The following MTREX variants were observed in gnomAD, a reference collection of about 807,000 sequenced individuals.
MTREX encodes Mtr4 exosome RNA helicase.
MTREX carries 76 observed loss-of-function variants against 135.4 expected under a neutral mutation model. The observed-to-expected ratio is 0.56, with a 90% confidence interval of 0.47 to 0.68. The LOEUF is 0.68. Among genes scored for constraint, MTREX ranks in the 30% least tolerant of loss-of-function variants. The pLI is 0.00. For missense variants in MTREX, 920 were observed against 1,262.1 expected (o/e 0.73, Z 4.11); for synonymous variants, 404 against 401.6 (o/e 1.01, Z -0.07).
chr5:55,345,070 C>T (rs1749708074), intron 9 of MTREX, 24 bp from the exon 10 acceptor site: 1 of 1,453,240 alleles, frequency 6.9e-7, no homozygotes, highest in African/African-American at 1.4e-5. Flanking sequence ...AGTGAAGTTA[C>T]ACAGAAAAAA....
intron 21 of MTREX, among the ~76,000 whole-genome samples, chr5:55,402,373 T>A (rs1368863739): frequency 1.3e-5 from 2 of 152,240 alleles, no homozygotes; most frequent in Non-Finnish European, 2.9e-5. Context: ...CTCTCCCTGC[T>A]GTCAGTCCCT....
intron 5 of MTREX, among the ~76,000 whole-genome samples, chr5:55,334,605 T>A (rs1470726640): frequency 6.6e-6 from 1 of 152,138 alleles, no homozygotes; most frequent in African/African-American, 2.4e-5. Flanking sequence ...TATAATTTAC[T>A]TACCATTAAA....
intron 15 of MTREX, among the ~76,000 whole-genome samples, chr5:55,361,724 C>T (rs1438175530): frequency 6.6e-6 from 1 of 150,862 alleles, no homozygotes; most frequent in Non-Finnish European, 1.5e-5. Flanking sequence ...CCCCAGAGTG[C>T]TGGGATTACA....
At chr5:55,372,457 A>G (rs150847769) in intron 16 of MTREX, among the ~76,000 whole-genome samples, 96 of 151,048 alleles carry the variant, frequency 6.4e-4, no homozygotes, top group African/African-American at 2.3e-3. Context: ...ACCATGAGCT[A>G]TACTGTTAGC....
intron 18 of MTREX, among the ~76,000 whole-genome samples, chr5:55,385,123 A>G (rs889127648): frequency 6.6e-6 from 1 of 152,186 alleles, no homozygotes; most frequent in East Asian, 1.9e-4. Context: ...CACCCAGGCA[A>G]AGTCTCTGAG....
intron 19 of MTREX, among the ~76,000 whole-genome samples, chr5:55,390,278 T>A (rs1750545905): frequency 6.6e-6 from 1 of 152,120 alleles, no homozygotes; most frequent in Non-Finnish European, 1.5e-5. Flanking sequence ...AATTTTTGTA[T>A]TTTTACTAGA....
Position 55,316,579 on chromosome 5 carries a change from C to T in MTREX, c.135-5748C>T, listed in dbSNP as rs1051338216. 5.3e-5 allele frequency among the ~76,000 whole-genome samples: 8 copies of T among 152,236 alleles called. No homozygotes were observed. The South Asian group carries it at 1.7e-3, about 32-fold the overall frequency. ...TGCAGAAAAGGCCTTCGATAAAATTCAACACCCCTCCATGTTAAAAACTCT... is the reference window on the plus strand; with the variant it reads ...TGCAGAAAAGGCCTTCGATAAAATTTAACACCCCTCCATGTTAAAAACTCT... On this transcript the variant is annotated intron_variant, in intron 1 of 26. Transcript: ENST00000230640.
In MTREX at chr5:55,397,340, G is replaced by C. The variant is rs575926815; in HGVS notation, c.2182-76G>C. On this transcript the variant is annotated intron_variant, in intron 19 of 26. Coordinates refer to ENST00000230640, the MANE Select transcript of MTREX (RefSeq NM_015360.5). ...CCATAAATGCAACTTCCTCTTTAGGGATCCAAGTTTAGGAAATAGTAGAAT... is the reference window on the plus strand; with the variant it reads ...CCATAAATGCAACTTCCTCTTTAGGCATCCAAGTTTAGGAAATAGTAGAAT... 83 of 863,488 alleles carry C rather than the reference G, an allele frequency of 9.6e-5. No individual in the cohort carries two copies. The African/African-American group carries it at 1.2e-3, about 12-fold the overall frequency. The allele number at this position is 863,488 out of a possible 1,614,324, so 53.5% of individuals were successfully genotyped here.
At chr5:55,367,871 G>T (rs1006914920) in intron 16 of MTREX, among the ~76,000 whole-genome samples, 7 of 152,198 alleles carry the variant, frequency 4.6e-5, no homozygotes, top group African/African-American at 1.7e-4. Context: ...CGTAGTCATC[G>T]TAAAAAGGAG....
chr5:55,323,531 T>C (rs1330971394), intron 2 of MTREX, among the ~76,000 whole-genome samples: 1 of 152,108 alleles, frequency 6.6e-6, no homozygotes, highest in East Asian at 1.9e-4. Context: ...CAGGTGATTC[T>C]CCTGCCTCAA....
At chr5:55,320,857 T>C (rs553766608) in intron 1 of MTREX, among the ~76,000 whole-genome samples, 1 of 152,320 alleles carries the variant, frequency 6.6e-6, no homozygotes, top group South Asian at 2.1e-4. Context: ...GAAAAGTCTA[T>C]TAAAATACCC....
At position 55,425,003 on chromosome 5, in the gene MTREX, G is replaced by GT. The variant is rs753841834; in HGVS notation, c.*238dup. The GT allele has an allele frequency of 4.1e-5, 31 of 751,066 alleles. No homozygotes were observed. In the Middle Eastern group the frequency reaches 1.1e-3, roughly 28 times the overall value. 46.5% of individuals were successfully genotyped at this position (751,066 alleles called of 1,614,324 possible). A position where few individuals can be genotyped will look rare whatever the true frequency, so the allele number is the denominator to read the frequency against. ...GCACTGTTTTGGTGGAAGGCTTGGA[G>GT]TTTTTTTAATGAGTTTAGAGCTATT... On this transcript the variant is annotated 3_prime_UTR_variant, in exon 27 of 27. Transcript: ENST00000230640.
At chr5:55,355,872 A>T (rs1301891404) in intron 14 of MTREX, among the ~76,000 whole-genome samples, 1 of 152,170 alleles carries the variant, frequency 6.6e-6, no homozygotes, top group African/African-American at 2.4e-5. Flanking sequence ...CTGTGGAGGA[A>T]TGGGGGGTAG....
intron 14 of MTREX, chr5:55,356,540 T>A (rs896789520): frequency 5.0e-6 from 1 of 200,854 alleles, no homozygotes; most frequent in Non-Finnish European, 1.1e-5. Context: ...GGGCCTGCAG[T>A]GTAGTCATAT....
intron 18 of MTREX, 96 bp from the exon 19 acceptor site, chr5:55,387,878 C>A: frequency 8.2e-7 from 1 of 1,219,520 alleles, no homozygotes; most frequent in Non-Finnish European, 1.1e-6. Context: ...AGTCATAATG[C>A]TAAATGCTGA....
intron 16 of MTREX, among the ~76,000 whole-genome samples, chr5:55,367,252 C>T (rs536080450): frequency 6.6e-6 from 1 of 152,158 alleles, no homozygotes; most frequent in South Asian, 2.1e-4. Context: ...TTTGGGAGGC[C>T]GAGACGGGTG....
At chr5:55,344,498 A>G (rs759271842) in intron 8 of MTREX, 24 bp from the exon 9 acceptor site, 3 of 1,468,062 alleles carry the variant, frequency 2.0e-6, no homozygotes, top group Non-Finnish European at 2.9e-6. Context: ...AAAATTTTGT[A>G]TGTTTAATTC....
chr5:55,334,464 G>C (rs939090878), intron 5 of MTREX, among the ~76,000 whole-genome samples: 2 of 152,002 alleles, frequency 1.3e-5, no homozygotes, highest in Non-Finnish European at 2.9e-5. Context: ...GTTAACTATA[G>C]CAGGGTGCAA....
At chr5:55,372,944 T>C (rs979677717) in intron 16 of MTREX, among the ~76,000 whole-genome samples, 1 of 76,782 alleles carries the variant, frequency 1.3e-5, no homozygotes, top group Admixed American at 1.3e-4. Flanking sequence ...GTGTGTGTGT[T>C]TGTCTATGGT....
Sources: allele counts gnomAD v4.1 joint callset (sites outside exome capture counted in the v4.1 genomes callset), GRCh38; gene constraint gnomAD v4.1.1; transcripts MANE v1.5; gene names NCBI Gene and HGNC (gene_info 2026-07-23, HGNC 2026-07-21).